The following SULF2 variants were observed in gnomAD, a reference collection of about 807,000 sequenced individuals.
SULF2 encodes extracellular sulfatase Sulf-2.
A neutral mutation model predicts 107.7 loss-of-function variants in SULF2; 52 were observed. The ratio of observed to expected loss-of-function variants is 0.48; its 90% CI spans 0.39 to 0.61. The LOEUF (loss-of-function observed/expected upper bound fraction) is 0.61, where lower values mean the gene tolerates loss of function less well. SULF2 is among the 20% of genes least tolerant of loss of function. SULF2 has a pLI of 0.00. For synonymous variants in SULF2, 460 were observed against 464.3 expected (o/e 0.99, Z 0.12); for missense variants, 993 against 1,177.3 (o/e 0.84, Z 2.29).
chr20:47,756,259 G>A (rs1401098240), intron 2 of SULF2, among the ~76,000 whole-genome samples: 3 of 152,046 alleles, frequency 2.0e-5, no homozygotes, highest in South Asian at 2.1e-4. Flanking sequence ...TATCAAATGC[G>A]CCTCATTCTA....
intron 3 of SULF2, among the ~76,000 whole-genome samples, chr20:47,708,569 A>C (rs935250671): frequency 6.6e-6 from 1 of 152,184 alleles, no homozygotes; most frequent in Non-Finnish European, 1.5e-5. Flanking sequence ...GTCATTTAAG[A>C]AGCACAGATT....
intron 3 of SULF2, among the ~76,000 whole-genome samples, chr20:47,712,906 A>G (rs369008796): frequency 2.0e-4 from 31 of 152,142 alleles, no homozygotes; most frequent in African/African-American, 6.0e-4. Flanking sequence ...GTGGTGCTGC[A>G]CGCCTGTCGT....
At chr20:47,674,446 C>T (rs368344014) in intron 10 of SULF2, among the ~76,000 whole-genome samples, 1 of 152,248 alleles carries the variant, frequency 6.6e-6, no homozygotes, top group Non-Finnish European at 1.5e-5. Context: ...CAGAACATAC[C>T]TGCCAGATAG....
intron 3 of SULF2, among the ~76,000 whole-genome samples, chr20:47,714,170 C>T (rs547156532): frequency 1.3e-5 from 2 of 152,378 alleles, no homozygotes; most frequent in South Asian, 2.1e-4. Context: ...GAAAACAAAA[C>T]GGGGTCTTTG....
chr20:47,722,698 G>A (rs891129595), intron 3 of SULF2, among the ~76,000 whole-genome samples: 11 of 152,132 alleles, frequency 7.2e-5, no homozygotes, highest in African/African-American at 1.2e-4. Flanking sequence ...TTGGGAGGCC[G>A]AGGCAGGCAG....
intron 20 of SULF2, 51 bp from the exon 21 acceptor site, chr20:47,658,443 C>T: frequency 6.3e-7 from 1 of 1,583,170 alleles, no homozygotes; most frequent in Non-Finnish European, 8.7e-7. Flanking sequence ...TGGTCTTTAT[C>T]ATGACTTCCT....
rs145588264 is a variant in SULF2, at chr20:47,665,024, C to A, written c.1997+175G>T. Among the ~76,000 whole-genome samples, 1,509 of 152,316 alleles carry A rather than the reference C, an allele frequency of 9.9e-3. 9 individuals carry two copies. The highest frequency in any genetic ancestry group is 0.012 in the Non-Finnish European group (849 of 68,040). ...GCGCCAGCCTGGCTGAGGAGCAGGTCCGTGTGCCACACTGGCTGACAACAG... is the reference window on the plus strand; with the variant it reads ...GCGCCAGCCTGGCTGAGGAGCAGGTACGTGTGCCACACTGGCTGACAACAG... On this transcript the variant is annotated intron_variant, in intron 14 of 20. Coordinates refer to ENST00000688720, the MANE Select transcript of SULF2 (RefSeq NM_001387048.1).
At chr20:47,683,208 G>A (rs752690830) in intron 6 of SULF2, 39 bp from the exon 7 acceptor site, 6 of 1,538,996 alleles carry the variant, frequency 3.9e-6, no homozygotes, top group Non-Finnish European at 5.3e-6. Flanking sequence ...AGTGGGGACT[G>A]GGTGCCTGGC....
At chr20:47,691,282 A>G (rs6066433) in intron 4 of SULF2, among the ~76,000 whole-genome samples, 21,356 of 152,250 alleles carry the variant, frequency 0.14, 1,867 homozygotes, top group East Asian at 0.3. Context: ...AGAGAGATGT[A>G]ACAAAGAGTA....
Position 47,736,941 on chromosome 20 carries a change from A to G in SULF2, c.177T>C (p.Gly59=). ...GGGTCTTGTTCATCACCTGCATGGA[A>G]CCTGCAAGTCAAGGGTGGAAGTAAG... ...VLTDDQDVEL[G]SMQVMNKTRR... The change falls in exon 3 of 21, where the codon GGT becomes GGC. Residue 59 remains glycine (G), a splice_region_variant and synonymous_variant. Transcript: ENST00000688720. The G allele has an allele frequency of 6.2e-7, 1 of 1,614,110 alleles. No homozygotes were observed.
chr20:47,682,178 C>T (rs1269470254), intron 7 of SULF2, among the ~76,000 whole-genome samples: 5 of 152,204 alleles, frequency 3.3e-5, no homozygotes, highest in Admixed American at 1.3e-4. Flanking sequence ...CTGGAATTCT[C>T]GCAAAATGTC....
chr20:47,667,722 T>TAA (rs1034648871), intron 11 of SULF2, among the ~76,000 whole-genome samples: 2 of 152,146 alleles, frequency 1.3e-5, no homozygotes, highest in African/African-American at 4.8e-5. Flanking sequence ...GTGCCTCATT[T>TAA]AAAGAGAAGG....
chr20:47,736,785 C>T lies in SULF2; in HGVS notation c.333G>A (p.Glu111=). The T allele has an allele frequency of 6.2e-7, 1 of 1,614,246 alleles. No homozygotes were observed. The highest frequency in any genetic ancestry group is 1.6e-4 in the Middle Eastern group (1 of 6,062). ...CCTGCCAGGAGGGCGAGGAGCAGTTCTCATTGTTGGTGTAGGTGTTGTGGT... is the reference window on the plus strand; with the variant it reads ...CCTGCCAGGAGGGCGAGGAGCAGTTTTCATTGTTGGTGTAGGTGTTGTGGT... ...VHNHNTYTNN[E]NCSSPSWQAQ... The change falls in exon 3 of 21, where the codon GAG becomes GAA. Residue 111 remains glutamate (E), a synonymous_variant. Coordinates refer to ENST00000688720, the MANE Select transcript of SULF2 (RefSeq NM_001387048.1).
intron 3 of SULF2, among the ~76,000 whole-genome samples, chr20:47,707,545 T>C (rs935039201): frequency 1.3e-5 from 2 of 152,094 alleles, no homozygotes; most frequent in African/African-American, 4.8e-5. Flanking sequence ...CTGGCCACCC[T>C]TACAACCTAG....
chr20:47,670,693 T>TGG (rs1602600500), intron 11 of SULF2, among the ~76,000 whole-genome samples: 1 of 32,986 alleles, frequency 3.0e-5, no homozygotes, highest in African/African-American at 1.4e-4. Context: ...GAGAGCGGGG[T>TGG]GGGAGAACGG....
chr20:47,784,263 C>T (rs914798882), intron 1 of SULF2, among the ~76,000 whole-genome samples: 1 of 152,124 alleles, frequency 6.6e-6, no homozygotes, highest in Admixed American at 6.5e-5. Flanking sequence ...TGAGCAAATA[C>T]CCAGATTGAA....
At chr20:47,745,396 AAAAAAAAAAAAAAAATATAT>A (rs1304050577) in intron 2 of SULF2, among the ~76,000 whole-genome samples, 43 of 27,236 alleles carry the variant, frequency 1.6e-3, no homozygotes, top group Non-Finnish European at 2.1e-3. Context: ...AAAAAAAAAA[AAAAAAAAAAAAAAAATATAT>A]ATATATATAT....
intron 3 of SULF2, among the ~76,000 whole-genome samples, chr20:47,735,821 G>A (rs907472142): frequency 3.3e-5 from 5 of 152,112 alleles, no homozygotes; most frequent in African/African-American, 7.2e-5. Flanking sequence ...GCCCAGCCTC[G>A]AGGGCTGCAG....
chr20:47,732,816 G>A (rs1007668574), intron 3 of SULF2, among the ~76,000 whole-genome samples: 3 of 152,040 alleles, frequency 2.0e-5, no homozygotes, highest in African/African-American at 4.8e-5. Flanking sequence ...GCACTCCAGC[G>A]TGGGCAACAG....
Sources: gnomAD v4.1 joint callset for allele counts (sites outside exome capture counted in the v4.1 genomes callset) on GRCh38, gnomAD v4.1.1 for gene constraint, MANE v1.5 for transcripts, NCBI Gene and HGNC (gene_info 2026-07-23, HGNC 2026-07-21) for gene names.